The following KIAA1671 variants were observed in gnomAD, a reference collection of about 807,000 sequenced individuals.
KIAA1671 encodes the protein uncharacterized protein KIAA1671.
KIAA1671 carries 52 observed loss-of-function variants against 131.2 expected under a neutral mutation model. The ratio of observed to expected loss-of-function variants is 0.40; its 90% CI spans 0.32 to 0.50. KIAA1671 has a LOEUF of 0.50. Ranked by LOEUF, KIAA1671 falls within the 20% of genes least tolerant of loss-of-function variation. The pLI, the probability that KIAA1671 is intolerant of heterozygous loss-of-function variation, is 0.73. For synonymous variants in KIAA1671, 1,003 were observed against 961.6 expected (o/e 1.04, Z -0.80); for missense variants, 2,360 against 2,364.2 (o/e 1.00, Z 0.04).
intron 5 of KIAA1671, among the ~76,000 whole-genome samples, chr22:25,046,956 T>C (rs1039238212): frequency 1.2e-4 from 18 of 146,218 alleles, no homozygotes; most frequent in African/African-American, 3.9e-4. Context: ...GTTTTTCATA[T>C]AATGTGTCTT....
In KIAA1671 at chr22:25,028,935, T is replaced by C; in HGVS notation, c.936T>C (p.Asp312=). 1 of 1,551,372 alleles carries C rather than the reference T, an allele frequency of 6.4e-7. No homozygotes were observed. The highest frequency in any genetic ancestry group is 8.7e-7 in the Non-Finnish European group (1 of 1,146,900). ...ADEGSGPTAG[D]MAGLERPRAA... ...AAGGAAGTGGACCCACAGCAGGGGA[T>C]ATGGCTGGGCTAGAGAGGCCCAGAG... is the stretch of plus-strand genomic sequence containing the variant. The change falls in exon 3 of 13, where the codon GAT becomes GAC. Residue 312 remains aspartate, a synonymous_variant. Coordinates refer to ENST00000358431, the MANE Select transcript of KIAA1671 (RefSeq NM_001145206.2).
chr22:24,991,632 T>TTA (rs1159653023), intron 1 of KIAA1671, among the ~76,000 whole-genome samples: 5 of 149,786 alleles, frequency 3.3e-5, no homozygotes. Context: ...AATTTTTTTT[T>TTA]TTTTTTTTTT....
At chr22:25,128,256 C>T (rs1209986140) in intron 6 of KIAA1671, among the ~76,000 whole-genome samples, 1 of 152,072 alleles carries the variant, frequency 6.6e-6, no homozygotes, top group African/African-American at 2.4e-5. Flanking sequence ...TGGACACCGC[C>T]CTTTAAGGAC....
chr22:25,079,157 A>T (rs561952093), intron 6 of KIAA1671, among the ~76,000 whole-genome samples: 1 of 152,128 alleles, frequency 6.6e-6, no homozygotes. Context: ...GTTCAGTTGC[A>T]TGCACCAGGC....
chr22:25,129,920 T>A (rs1018198272), intron 6 of KIAA1671, among the ~76,000 whole-genome samples: 3 of 152,190 alleles, frequency 2.0e-5, no homozygotes, highest in Non-Finnish European at 2.9e-5. Flanking sequence ...CATAGAACAG[T>A]GCCTGGCACA....
chr22:25,160,811 A>C (rs1056256917), intron 6 of KIAA1671, among the ~76,000 whole-genome samples: 3 of 152,214 alleles, frequency 2.0e-5, no homozygotes, highest in African/African-American at 7.2e-5. Flanking sequence ...TTCCCTAAGA[A>C]GTGCCATTCC....
In KIAA1671 at chr22:25,039,966, A is replaced by C. The variant is rs200617098; in HGVS notation, c.2836A>C (p.Arg946=). 1,695 of 1,551,264 alleles carry C rather than the reference A, an allele frequency of 1.1e-3. 2 individuals are homozygous for C. The highest frequency in any genetic ancestry group is 1.4e-3 in the Non-Finnish European group (1,570 of 1,146,726). Residue 946 remains arginine (R), a synonymous_variant, in exon 5 of 13, where the codon AGA becomes CGA. Transcript: ENST00000358431. ...KAGAMDQRMD[R]WRRRTLPPNV... ...CGGCGCCATGGACCAGAGAATGGAC[A>C]GATGGCGGCGGCGGACTTTACCCCC...
At chr22:24,995,375 C>A (rs1373320360) in intron 1 of KIAA1671, among the ~76,000 whole-genome samples, 1 of 127,528 alleles carries the variant, frequency 7.8e-6, no homozygotes, top group Non-Finnish European at 1.6e-5. Context: ...TTTTTCTTGG[C>A]AGGGGCAGGG....
intron 9 of KIAA1671, among the ~76,000 whole-genome samples, chr22:25,179,910 A>G (rs1320044956): frequency 1.3e-5 from 2 of 152,200 alleles, no homozygotes; most frequent in African/African-American, 4.8e-5. Context: ...TCTAAGGACT[A>G]TTTTGGCTGC....
chr22:25,050,936 T>TG (rs35803550), intron 6 of KIAA1671: 113,337 of 152,152 alleles, frequency 0.74, 43,438 homozygotes, highest in African/African-American at 0.93. Flanking sequence ...ACAAAGGTGA[T>TG]GGGAGAGAAG....
intron 1 of KIAA1671, among the ~76,000 whole-genome samples, chr22:24,958,543 C>T (rs893047119): frequency 3.3e-5 from 5 of 149,968 alleles, no homozygotes; most frequent in Non-Finnish European, 5.9e-5. Flanking sequence ...CCCAGCTACT[C>T]GGGAGGCTGA....
At chr22:24,954,333 G>C (rs1569190534) in intron 1 of KIAA1671, among the ~76,000 whole-genome samples, 1 of 151,970 alleles carries the variant, frequency 6.6e-6, no homozygotes, top group Admixed American at 6.6e-5. Context: ...AGACTCTGGC[G>C]CCTCCTTCCT....
chr22:25,108,949 C>T (rs1178220335), intron 6 of KIAA1671, among the ~76,000 whole-genome samples: 1 of 152,282 alleles, frequency 6.6e-6, no homozygotes, highest in African/African-American at 2.4e-5. Context: ...CTGGTGCTAG[C>T]TGTTTGCTGG....
chr22:25,049,335 T>G lies in KIAA1671; in HGVS notation c.4501T>G (p.Cys1501Gly), dbSNP rs1211695037. The G allele has an allele frequency of 1.9e-5, 29 of 1,551,586 alleles. No individual in the cohort carries two copies. The highest frequency in any genetic ancestry group is 2.4e-5 in the Non-Finnish European group (28 of 1,146,822). ...ASVPWRSHSF[C>G]KDRRSGPFVD... is the part of the protein sequence containing the mutation. ...GGTTCCCTGGAGAAGCCACAGCTTC[T>G]GCAAAGACAGGAGGAGTGGGCCCTT... The change falls in exon 6 of 13, where the codon TGC (cysteine) becomes GGC (glycine). Residue 1501 changes from cysteine (C) to glycine (G), a missense_variant. By Grantham distance (159) the Cys-to-Gly change is radical. Coordinates refer to ENST00000358431, the MANE Select transcript of KIAA1671 (RefSeq NM_001145206.2).
At chr22:25,021,704 C>T (rs1925677566) in intron 1 of KIAA1671, among the ~76,000 whole-genome samples, 1 of 152,240 alleles carries the variant, frequency 6.6e-6, no homozygotes, top group African/African-American at 2.4e-5. Context: ...GATTGGGGCC[C>T]TTTCTGGAGG....
In KIAA1671 at chr22:24,985,618, C is replaced by CG. The variant is rs564748024; in HGVS notation, c.-208+32847dup. Among the ~76,000 whole-genome samples the CG allele has an allele frequency of 4.0e-3, 613 of 152,272 alleles. 4 individuals are homozygous for CG. The highest frequency in any genetic ancestry group is 5.5e-3 in the Non-Finnish European group (377 of 68,016). ...CCTCCCAAAGTGCTGGGATTACAGG[C>CG]GTGAGCCAGCGCGCCTAGCCTTTCT... On this transcript the variant is annotated intron_variant, in intron 1 of 12. Transcript: ENST00000358431.
intron 6 of KIAA1671, chr22:25,053,090 C>T (rs1927627007): frequency 7.9e-5 from 12 of 152,126 alleles, no homozygotes; most frequent in Non-Finnish European, 1.5e-5. Context: ...GAAAGACAAA[C>T]ATCCATAGCC....
chr22:25,114,185 C>T (rs1459050278), intron 6 of KIAA1671, among the ~76,000 whole-genome samples: 1 of 152,232 alleles, frequency 6.6e-6, no homozygotes, highest in African/African-American at 2.4e-5. Context: ...AAGCTTCAGG[C>T]TCCTTCCCAT....
At chr22:25,032,418 A>G (rs1471416431) in intron 3 of KIAA1671, among the ~76,000 whole-genome samples, 191 bp from the exon 4 acceptor site, 2 of 152,224 alleles carry the variant, frequency 1.3e-5, no homozygotes, top group African/African-American at 4.8e-5. Context: ...GTCTTCCCCC[A>G]GCTGGGGCTC....
Sources: allele counts gnomAD v4.1 joint callset (sites outside exome capture counted in the v4.1 genomes callset), GRCh38; gene constraint gnomAD v4.1.1; transcripts MANE v1.5; gene names NCBI Gene and HGNC (gene_info 2026-07-23, HGNC 2026-07-21).